URI1: variants seen among roughly 807,000 people sequenced by gnomAD.
URI1 encodes the protein unconventional prefoldin RPB5 interactor 1.
A neutral mutation model predicts 60.2 loss-of-function variants in URI1; 39 were observed. The observed-to-expected ratio is 0.65, with a 90% confidence interval of 0.50 to 0.85. URI1 has a LOEUF of 0.85. Among genes scored for constraint, URI1 ranks in the 40% least tolerant of loss-of-function variants. The pLI is 0.00. For synonymous variants in URI1, 251 were observed against 236.8 expected (o/e 1.06, Z -0.55); for missense variants, 691 against 665.9 (o/e 1.04, Z -0.42).
At chr19:29,987,503 C>T (rs1243811070) in intron 4 of URI1, among the ~76,000 whole-genome samples, 1 of 152,108 alleles carries the variant, frequency 6.6e-6, no homozygotes, top group African/African-American at 2.4e-5. Context: ...TTTGGCTTTG[C>T]TGCATTATTT....
At position 30,009,274 on chromosome 19, in the gene URI1, A is replaced by G; in HGVS notation, c.956A>G (p.Asp319Gly). Residue 319 changes from aspartate to glycine, a missense_variant, in exon 8 of 11, where the codon GAT (aspartate) becomes GGT (glycine). Coordinates refer to ENST00000392271, the MANE Select transcript of URI1 (RefSeq NM_003796.3). ...GACAACATTGACGACGATGATGGTG[A>G]TAACGACCATGAGGCTTTAGGGGTT... ...DDDNIDDDDG[D>G]NDHEALGVGD... is the part of the protein sequence containing the mutation. The G allele has an allele frequency of 6.2e-7, 1 of 1,614,118 alleles. No individual in the cohort carries two copies. Among genetic ancestry groups the G allele is most frequent in the Middle Eastern group, 1.6e-4 (1 of 6,062 alleles).
intron 3 of URI1, 63 bp from the exon 4 acceptor site, chr19:29,986,219 T>G (rs1389779633): frequency 1.4e-6 from 2 of 1,447,494 alleles, no homozygotes; most frequent in Non-Finnish European, 1.8e-6. Flanking sequence ...GCGAAGTGTT[T>G]TATAAAATGT....
chr19:29,988,460 T>G (rs2055701412), intron 4 of URI1, among the ~76,000 whole-genome samples: 1 of 152,174 alleles, frequency 6.6e-6, no homozygotes, highest in African/African-American at 2.4e-5. Context: ...TCAGCTCCTA[T>G]CAAAACCTCC....
chr19:29,987,893 C>T (rs929685716), intron 4 of URI1, among the ~76,000 whole-genome samples: 1 of 152,000 alleles, frequency 6.6e-6, no homozygotes, highest in Non-Finnish European at 1.5e-5. Flanking sequence ...CTGGGCCGGG[C>T]GCAGGGGCTC....
intron 4 of URI1, among the ~76,000 whole-genome samples, chr19:29,993,586 C>T (rs546542245): frequency 5.3e-5 from 8 of 151,396 alleles, no homozygotes; most frequent in East Asian, 3.9e-4. Flanking sequence ...ACGTTAGCAC[C>T]GAATACAGCT....
At chr19:30,000,176 T>A (rs1459114387) in intron 4 of URI1, among the ~76,000 whole-genome samples, 1 of 151,992 alleles carries the variant, frequency 6.6e-6, no homozygotes, top group Non-Finnish European at 1.5e-5. Flanking sequence ...TTAGTTGAAT[T>A]TAACTGCTTT....
chr19:29,971,252 A>G (rs770414819), intron 2 of URI1, 25 bp downstream of exon 2: 32 of 1,611,054 alleles, frequency 2.0e-5, no homozygotes, highest in Non-Finnish European at 2.3e-5. Context: ...GTTTTATTAC[A>G]CTTCTGAAAT....
intron 4 of URI1, among the ~76,000 whole-genome samples, chr19:29,990,887 G>A (rs1284799860): frequency 6.6e-6 from 1 of 152,142 alleles, no homozygotes; most frequent in African/African-American, 2.4e-5. Context: ...AACTTAAATT[G>A]TTAAAAAACA....
chr19:30,008,488 G>A (rs1254482056), intron 7 of URI1, among the ~76,000 whole-genome samples: 2 of 151,788 alleles, frequency 1.3e-5, no homozygotes, highest in Non-Finnish European at 2.9e-5. Context: ...TGTTATTTTT[G>A]TAAGGTCCTC....
At chr19:29,962,625 A>C (rs2055341244) in intron 1 of URI1, among the ~76,000 whole-genome samples, 1 of 136,800 alleles carries the variant, frequency 7.3e-6, no homozygotes. Flanking sequence ...CTGTACCTTT[A>C]CTCTTCAATT....
upstream of URI1, chr19:29,942,151 A>C (rs1165010452): frequency 8.5e-6 from 8 of 945,144 alleles, no homozygotes; most frequent in African/African-American, 1.8e-5. Flanking sequence ...CATCAAGCGC[A>C]CTCCCCTGGG....
intron 4 of URI1, among the ~76,000 whole-genome samples, chr19:30,005,159 G>A (rs1003402888): frequency 2.0e-5 from 3 of 151,846 alleles, no homozygotes; most frequent in African/African-American, 4.8e-5. Context: ...ATTTTATTAC[G>A]AACAAAGTAA....
At chr19:29,985,367 T>G in intron 3 of URI1, 66 bp downstream of exon 3, 1 of 1,375,608 alleles carries the variant, frequency 7.3e-7, no homozygotes, top group Non-Finnish European at 1.0e-6. Context: ...TATGTGTCGG[T>G]TCACAGAATG....
chr19:29,967,033 T>C (rs993318272), intron 1 of URI1, among the ~76,000 whole-genome samples: 2 of 152,068 alleles, frequency 1.3e-5, no homozygotes, highest in Non-Finnish European at 2.9e-5. Flanking sequence ...TAGAAACTCA[T>C]AGGTTTATGC....
At chr19:29,964,452 G>GTTTTTTTTTTTTTTTTTTTTTTT (rs1380907956) in intron 1 of URI1, among the ~76,000 whole-genome samples, 1 of 137,260 alleles carries the variant, frequency 7.3e-6, no homozygotes, top group African/African-American at 2.8e-5. Context: ...TTTTGTTTTT[G>GTTTTTTTTTTTTTTTTTTTTTTT]TTTTTTGTTT....
intron 1 of URI1, among the ~76,000 whole-genome samples, chr19:29,951,397 CAAG>C (rs1357785488): frequency 1.3e-5 from 2 of 152,020 alleles, no homozygotes; most frequent in South Asian, 2.1e-4. Flanking sequence ...TTTCGAGCAA[CAAG>C]AACTCTAGCA....
chr19:29,999,860 T>C (rs182030349), intron 4 of URI1, among the ~76,000 whole-genome samples: 1 of 152,218 alleles, frequency 6.6e-6, no homozygotes, highest in African/African-American at 2.4e-5. Context: ...CATTCACTTA[T>C]CCCTTTTGGC....
upstream of URI1, chr19:29,937,760 A>T (rs2054985901): frequency 6.6e-6 from 1 of 152,200 alleles, no homozygotes; most frequent in East Asian, 1.9e-4. Flanking sequence ...AAACCAATAC[A>T]GGAGTCTGTG....
intron 2 of URI1, among the ~76,000 whole-genome samples, chr19:29,974,523 C>T (rs992823606): frequency 1.2e-4 from 19 of 152,140 alleles, no homozygotes; most frequent in African/African-American, 4.6e-4. Context: ...TAATCATCAA[C>T]TCATGATTTT....
Sources: gnomAD v4.1 joint callset for allele counts (sites outside exome capture counted in the v4.1 genomes callset) on GRCh38, gnomAD v4.1.1 for gene constraint, MANE v1.5 for transcripts, NCBI Gene and HGNC (gene_info 2026-07-23, HGNC 2026-07-21) for gene names.